The following HMBOX1 variants were observed in gnomAD, a reference collection of about 807,000 sequenced individuals.
HMBOX1 encodes the protein homeobox containing 1.
Under a neutral mutation model 54.5 loss-of-function variants are expected in HMBOX1, and 14 were observed. The ratio of observed to expected loss-of-function variants is 0.26; its 90% CI spans 0.17 to 0.40. The LOEUF is 0.40. Among genes scored for constraint, HMBOX1 ranks in the 10% least tolerant of loss-of-function variants. The pLI is 1.00. For synonymous variants in HMBOX1, 160 were observed against 181.0 expected (o/e 0.88, Z 0.93); for missense variants, 332 against 514.4 (o/e 0.65, Z 3.43).
intron 1 of HMBOX1, among the ~76,000 whole-genome samples, chr8:28,918,657 CA>C (rs1052202575): frequency 1.3e-5 from 2 of 152,158 alleles, no homozygotes; most frequent in African/African-American, 4.8e-5. Context: ...ATCAAAAAAT[CA>C]TAACTCGTGA....
At chr8:29,035,901 T>C (rs576620420) in intron 6 of HMBOX1, among the ~76,000 whole-genome samples, 3 of 152,342 alleles carry the variant, frequency 2.0e-5, no homozygotes, top group Admixed American at 1.3e-4. Flanking sequence ...TTATCTCCAT[T>C]CTTTTCATGT....
chr8:29,030,289 C>T (rs913778169), intron 6 of HMBOX1, among the ~76,000 whole-genome samples: 5 of 151,616 alleles, frequency 3.3e-5, no homozygotes, highest in African/African-American at 1.2e-4. Context: ...GTGATCTCAG[C>T]TCACTGCAAC....
chr8:28,922,016 C>T (rs1230612962), intron 1 of HMBOX1, among the ~76,000 whole-genome samples: 1 of 152,108 alleles, frequency 6.6e-6, no homozygotes, highest in Non-Finnish European at 1.5e-5. Flanking sequence ...TCAGGAAAAG[C>T]TACAGGGAGG....
intron 6 of HMBOX1, among the ~76,000 whole-genome samples, chr8:29,027,847 T>G (rs1802309167): frequency 6.6e-6 from 1 of 152,166 alleles, no homozygotes; most frequent in Non-Finnish European, 1.5e-5. Context: ...ACATGCAAAT[T>G]AAATGCTAAT....
chr8:28,953,996 T>C (rs1280552417), intron 1 of HMBOX1, among the ~76,000 whole-genome samples: 1 of 152,204 alleles, frequency 6.6e-6, no homozygotes, highest in Non-Finnish European at 1.5e-5. Context: ...ACTGAGAGTT[T>C]AGGGGAGAGG....
intron 1 of HMBOX1, among the ~76,000 whole-genome samples, chr8:28,952,158 T>TAAA (rs3053470): frequency 2.0e-4 from 25 of 127,804 alleles, no homozygotes; most frequent in Non-Finnish European, 3.4e-4. Flanking sequence ...GACCCTATCT[T>TAAA]AAAAAAAAAA....
In HMBOX1 at chr8:28,970,980, TGACACACACACACACA is replaced by T. The variant is rs1465961955; in HGVS notation, c.500+462_500+477del. On this transcript the variant is annotated intron_variant, in intron 3 of 9. Coordinates refer to ENST00000287701, the MANE Select transcript of HMBOX1 (RefSeq NM_001135726.3). The surrounding 1 kb of genome is among the most constrained non-coding windows in gnomAD (Gnocchi z 4.3). ...TATAGGTTCTAATTTTAGCAATAGA[TGACACACACACACACA>T]CACACACACACACACACACACACAC... Among the ~76,000 whole-genome samples, 2 of 92,444 alleles carry T rather than the reference TGACACACACACACACA, an allele frequency of 2.2e-5. No individual in the cohort carries two copies. Among genetic ancestry groups the T allele is most frequent in the Admixed American group, 1.3e-4 (1 of 7,874 alleles). 60.6% of individuals were successfully genotyped at this position (92,444 alleles called of 152,430 possible).
In HMBOX1 at chr8:29,029,103, ACT is replaced by A. The variant is rs541271074; in HGVS notation, c.851+10193_851+10194del. 3.0e-3 allele frequency among the ~76,000 whole-genome samples: 454 copies of A among 152,308 alleles called. 1 individual carries two copies. The highest frequency in any genetic ancestry group is 0.01 in the African/African-American group (429 of 41,560). Reference sequence around the variant, plus strand: ...AGGATTTTCCGCCTATTAAAAAAACACTCTACTTCTTGAAGAGAATCCTGTTA... The same window carrying A: ...AGGATTTTCCGCCTATTAAAAAAACACTACTTCTTGAAGAGAATCCTGTTA... On this transcript the variant is annotated intron_variant, in intron 6 of 9. Coordinates refer to ENST00000287701, the MANE Select transcript of HMBOX1 (RefSeq NM_001135726.3).
chr8:28,908,862 T>G (rs1415033496), intron 1 of HMBOX1, among the ~76,000 whole-genome samples: 2 of 152,104 alleles, frequency 1.3e-5, no homozygotes, highest in East Asian at 3.9e-4. Context: ...GGGAAGCTGA[T>G]GCAGGAGGAT....
intron 2 of HMBOX1, among the ~76,000 whole-genome samples, chr8:28,969,691 C>T (rs946451322): frequency 3.3e-5 from 5 of 152,110 alleles, no homozygotes; most frequent in African/African-American, 4.8e-5. Flanking sequence ...GGGCAAAACA[C>T]TTCTGAGTTA....
intron 1 of HMBOX1, among the ~76,000 whole-genome samples, chr8:28,921,272 G>C (rs560193199): frequency 6.6e-6 from 1 of 152,338 alleles, no homozygotes; most frequent in African/African-American, 2.4e-5. Context: ...GGAGGCAGAG[G>C]TTGCGGTGAG....
intron 1 of HMBOX1, among the ~76,000 whole-genome samples, chr8:28,927,948 A>G (rs186680759): frequency 0.01 from 1,520 of 151,890 alleles, 13 homozygotes; most frequent in Non-Finnish European, 0.017. Flanking sequence ...CATCCTGGCT[A>G]ACATGGTGAA....
intron 5 of HMBOX1, among the ~76,000 whole-genome samples, chr8:29,017,007 C>A (rs1464463184): frequency 6.6e-6 from 1 of 152,204 alleles, no homozygotes; most frequent in African/African-American, 2.4e-5. Flanking sequence ...GTCCACATTC[C>A]TGTGCTGGGA....
intron 6 of HMBOX1, among the ~76,000 whole-genome samples, chr8:29,040,392 T>C (rs2133294280): frequency 6.6e-6 from 1 of 152,342 alleles, no homozygotes; most frequent in South Asian, 2.1e-4. Context: ...TTGTGTGTCT[T>C]TTCTCACAAA....
At chr8:29,002,250 G>C (rs968534792) in intron 4 of HMBOX1, among the ~76,000 whole-genome samples, 1 of 152,186 alleles carries the variant, frequency 6.6e-6, no homozygotes, top group African/African-American at 2.4e-5. Context: ...CTGCTTGAGT[G>C]TTTTCATAAC....
chr8:28,892,929 A>G (rs1410149916), intron 1 of HMBOX1, among the ~76,000 whole-genome samples: 2 of 152,246 alleles, frequency 1.3e-5, no homozygotes, highest in East Asian at 3.9e-4. Context: ...GTTTTGTTTT[A>G]TTTTTCTGAA....
At chr8:28,986,198 A>G (rs1364866220) in intron 4 of HMBOX1, among the ~76,000 whole-genome samples, 2 of 152,254 alleles carry the variant, frequency 1.3e-5, no homozygotes, top group South Asian at 4.2e-4. Context: ...CTTCTTTCAC[A>G]TAGTCGTATA....
chr8:28,979,680 TTTG>T (rs1416041956), intron 3 of HMBOX1, among the ~76,000 whole-genome samples: 1 of 152,214 alleles, frequency 6.6e-6, no homozygotes, highest in Admixed American at 6.5e-5. Context: ...CACAACTGAA[TTTG>T]TTGTTGTTGC....
chr8:29,011,016 G>A (rs1834156071), intron 5 of HMBOX1, among the ~76,000 whole-genome samples: 2 of 152,182 alleles, frequency 1.3e-5, no homozygotes, highest in East Asian at 3.8e-4. Flanking sequence ...CAGGATTCAT[G>A]CTGAATATTT....
Sources: allele counts gnomAD v4.1 joint callset (sites outside exome capture counted in the v4.1 genomes callset), GRCh38; gene constraint gnomAD v4.1.1; non-coding constraint Gnocchi (gnomAD v3.1); transcripts MANE v1.5; gene names NCBI Gene and HGNC (gene_info 2026-07-23, HGNC 2026-07-21).